Variants in DOCK8 observed in about 807,000 individuals in gnomAD.
The protein encoded by DOCK8 is dedicator of cytokinesis 8, also known as dedicator of cytokinesis protein 8.
DOCK8 carries 141 observed loss-of-function variants against 245.6 expected under a neutral mutation model. That is an observed-to-expected ratio of 0.57 (90% CI 0.50 to 0.66). The LOEUF (loss-of-function observed/expected upper bound fraction) is 0.66. DOCK8 is among the 30% of genes least tolerant of loss of function. The probability of loss-of-function intolerance (pLI) is 0.00; values close to 1 mark genes in which losing one functional copy is unlikely to be tolerated. For synonymous variants in DOCK8, 1,168 were observed against 970.2 expected (o/e 1.20, Z -3.79); for missense variants, 2,965 against 2,603.4 (o/e 1.14, Z -3.02).
At chr9:251,172 A>T (rs1333102370) in intron 1 of DOCK8, among the ~76,000 whole-genome samples, 1 of 152,150 alleles carries the variant, frequency 6.6e-6, no homozygotes, top group Non-Finnish European at 1.5e-5. Flanking sequence ...ATTCTAGAAA[A>T]ATATTTGGTG....
At chr9:342,015 A>G (rs990207960) in intron 14 of DOCK8, among the ~76,000 whole-genome samples, 4 of 152,212 alleles carry the variant, frequency 2.6e-5, no homozygotes, top group Non-Finnish European at 5.9e-5. Flanking sequence ...AATTGCAGGA[A>G]AACAAGCTCA....
intron 14 of DOCK8, among the ~76,000 whole-genome samples, chr9:355,341 T>C (rs1044600508): frequency 2.0e-5 from 3 of 151,992 alleles, no homozygotes; most frequent in South Asian, 2.1e-4. Flanking sequence ...ATAGCTGGGA[T>C]TACAGGCATG....
intron 16 of DOCK8, 83 bp downstream of exon 16, chr9:370,383 CCTAA>C (rs2053232327): frequency 1.5e-5 from 19 of 1,237,902 alleles, no homozygotes; most frequent in South Asian, 6.1e-5. Flanking sequence ...GGTGGTTCCT[CCTAA>C]CTATTTTTAT....
At chr9:400,971 CCACCAT>C (rs1373521131) in intron 26 of DOCK8, among the ~76,000 whole-genome samples, 4 of 141,642 alleles carry the variant, frequency 2.8e-5, no homozygotes, top group Non-Finnish European at 4.7e-5. Context: ...ACCACCTCCT[CCACCAT>C]CACCACCTCC....
intron 28 of DOCK8, among the ~76,000 whole-genome samples, chr9:410,029 G>T (rs1186777768): frequency 6.6e-6 from 1 of 152,126 alleles, no homozygotes; most frequent in African/African-American, 2.4e-5. Flanking sequence ...CTGCTATAAA[G>T]ACATATGCAC....
chr9:245,464 T>C (rs1308929655), intron 1 of DOCK8, among the ~76,000 whole-genome samples: 3 of 152,164 alleles, frequency 2.0e-5, no homozygotes, highest in African/African-American at 4.8e-5. Flanking sequence ...CTCCTCAGCC[T>C]CCCAAAGTGC....
At chr9:459,342 T>C (rs1041591533) in intron 46 of DOCK8, among the ~76,000 whole-genome samples, 1 of 152,218 alleles carries the variant, frequency 6.6e-6, no homozygotes, top group African/African-American at 2.4e-5. Context: ...ATAAAATAAT[T>C]TTTTGCATTA....
At position 278,833 on chromosome 9, in the gene DOCK8, G is replaced by C. The variant is rs187714896; in HGVS notation, c.156+7104G>C. On this transcript the variant is annotated intron_variant, in intron 2 of 47. Transcript: ENST00000432829. The stretch of plus-strand genomic sequence containing the variant: ...TAGAGAAAGCAGGGCTGGGTCACAG[G>C]CCTCAGAGACTGTAGAACATTGGCT... 3.7e-4 allele frequency among the ~76,000 whole-genome samples: 57 copies of C among 152,310 alleles called. No homozygotes were observed. In the East Asian group the frequency reaches 0.01, roughly 27 times the overall value.
chr9:303,162 GA>G (rs562054682), intron 4 of DOCK8, among the ~76,000 whole-genome samples: 85 of 136,882 alleles, frequency 6.2e-4, no homozygotes, highest in East Asian at 4.6e-3. Context: ...CCTGTCTCAA[GA>G]AAAAAAAAAA....
intron 40 of DOCK8, 141 bp downstream of exon 40, chr9:439,529 C>T (rs2057018720): frequency 9.0e-7 from 1 of 1,109,854 alleles, no homozygotes; most frequent in South Asian, 1.4e-5. Flanking sequence ...AGGGGATGGG[C>T]CCGGGGAGGA....
At chr9:428,614 A>G (rs1308650785) in intron 35 of DOCK8, 118 bp downstream of exon 35, 4 of 1,303,828 alleles carry the variant, frequency 3.1e-6, no homozygotes, top group East Asian at 4.9e-5. Context: ...GCATCACAGT[A>G]AAGGTCTTAA....
At chr9:447,824 G>A (rs2057311265) in intron 44 of DOCK8, among the ~76,000 whole-genome samples, 1 of 152,166 alleles carries the variant, frequency 6.6e-6, no homozygotes, top group Non-Finnish European at 1.5e-5. Flanking sequence ...TGTTCAGCTG[G>A]GTAACCACAT....
intron 1 of DOCK8, among the ~76,000 whole-genome samples, chr9:231,888 T>A (rs1012210981): frequency 3.3e-5 from 5 of 152,174 alleles, no homozygotes; most frequent in Non-Finnish European, 7.4e-5. Context: ...ATACCCTTTA[T>A]TTCCTTCTCC....
At chr9:450,018 G>A (rs2057378642) in intron 45 of DOCK8, 91 bp downstream of exon 45, 1 of 1,414,660 alleles carries the variant, frequency 7.1e-7, no homozygotes, top group Non-Finnish European at 9.8e-7. Flanking sequence ...GGTTGATGAG[G>A]ACTTTGATCC....
Position 216,861 on chromosome 9 carries a change from C to T in DOCK8, c.53+1832C>T, listed in dbSNP as rs150145504. ...GCAGTCTTGCAAGCAACTGCGGGGT[C>T]GGTGTCACCTGGGGGTTAAGAATAA... On this transcript the variant is annotated intron_variant, in intron 1 of 47. Transcript: ENST00000432829. Among the ~76,000 whole-genome samples the T allele has an allele frequency of 2.7e-4, 41 of 152,052 alleles. 1 individual carries two copies. The highest frequency in any genetic ancestry group is 2.5e-3 in the Admixed American group (38 of 15,272).
chr9:400,069 A>ACCACCAGCATCT (rs1476440726), intron 26 of DOCK8, among the ~76,000 whole-genome samples: 2 of 77,002 alleles, frequency 2.6e-5, no homozygotes, highest in Non-Finnish European at 5.1e-5. Context: ...CTCCTTCACC[A>ACCACCAGCATCT]TCACCATCAC....
intron 44 of DOCK8, among the ~76,000 whole-genome samples, chr9:448,178 G>A (rs1281421427): frequency 6.6e-6 from 1 of 151,888 alleles, no homozygotes; most frequent in Non-Finnish European, 1.5e-5. Flanking sequence ...CTGCAGCCTC[G>A]ACCTCCTGGG....
chr9:457,465 T>G (rs918624037), intron 46 of DOCK8, among the ~76,000 whole-genome samples: 2 of 152,216 alleles, frequency 1.3e-5, no homozygotes, highest in Non-Finnish European at 2.9e-5. Flanking sequence ...AATAGGGGAC[T>G]GATGGATTTG....
intron 45 of DOCK8, 138 bp from the exon 46 acceptor site, chr9:451,873 A>G (rs569325726): frequency 3.4e-4 from 73 of 213,902 alleles, no homozygotes; most frequent in South Asian, 2.1e-3. Flanking sequence ...ATGTGTGTGT[A>G]TATATATATA....
Sources: allele counts gnomAD v4.1 joint callset (sites outside exome capture counted in the v4.1 genomes callset), GRCh38; gene constraint gnomAD v4.1.1; transcripts MANE v1.5; gene names NCBI Gene and HGNC (gene_info 2026-07-23, HGNC 2026-07-21).